The following ZNF496 variants were observed in gnomAD, a reference collection of about 807,000 sequenced individuals.
The protein encoded by ZNF496 is zinc finger protein 496, also known as NSD1 (nuclear receptor binding SET-domain containing 1)-interacting zinc finger protein 1.
In ZNF496, 11 loss-of-function variants were observed where a neutral mutation model predicts 58.9. The observed-to-expected ratio is 0.19, with a 90% CI of 0.12 to 0.31. ZNF496 has a LOEUF of 0.31. ZNF496 is among the 10% of genes least tolerant of loss of function. ZNF496 has a pLI of 1.00. For missense variants in ZNF496, 660 were observed against 783.0 expected (o/e 0.84, Z 1.88); for synonymous variants, 338 against 318.2 (o/e 1.06, Z -0.66).
chr1:247,302,524 T>C (rs1465248559), intron 9 of ZNF496, among the ~76,000 whole-genome samples: 3 of 152,220 alleles, frequency 2.0e-5, no homozygotes, highest in African/African-American at 7.2e-5. Context: ...GGTCACATTA[T>C]GTTGCCCAGG....
Position 247,301,212 on chromosome 1 carries a change from G to A in ZNF496, c.1071C>T (p.Leu357=). The A allele has an allele frequency of 1.9e-6, 3 of 1,557,628 alleles. No homozygotes were observed. The highest frequency in any genetic ancestry group is 1.2e-5 in the South Asian group (1 of 83,424). ...LDEEVTIEIV[L]SSSGDEDSQH... is the part of the protein sequence containing the mutation. ...GGGAGTCCTCGTCCCCAGAGCTGGA[G>A]AGAACGATCTCGATGGTCACTTCTT... is the stretch of plus-strand genomic sequence containing the variant. Residue 357 remains leucine (L), a synonymous_variant, in exon 10 of 10, where the codon CTC becomes CTT. Coordinates refer to ENST00000682384, the MANE Select transcript of ZNF496 (RefSeq NM_032752.3).
intron 6 of ZNF496, 69 bp downstream of exon 6, chr1:247,323,085 A>G: frequency 5.8e-6 from 8 of 1,368,304 alleles, no homozygotes; most frequent in Admixed American, 3.7e-5. Flanking sequence ...CTGGGGTCCT[A>G]AGAAAGCTGC....
chr1:247,313,194 C>T (rs1384156507), intron 6 of ZNF496: 1 of 152,242 alleles, frequency 6.6e-6, no homozygotes, highest in Non-Finnish European at 1.5e-5. Context: ...AGTGCCCCAC[C>T]TCTTAATGCC....
At chr1:247,325,813 T>A (rs540793025) in intron 5 of ZNF496, among the ~76,000 whole-genome samples, 1 of 152,120 alleles carries the variant, frequency 6.6e-6, no homozygotes, top group East Asian at 1.9e-4. Flanking sequence ...GTGTTTTAGT[T>A]CTGCTTCCTC....
At position 247,300,785 on chromosome 1, in the gene ZNF496, C is replaced by T. The variant is rs1361380147; in HGVS notation, c.1498G>A (p.Ala500Thr). The change falls in exon 10 of 10, where the codon GCG becomes ACG. Residue 500 changes from alanine (A) to threonine (T), a missense_variant. Transcript: ENST00000682384. This position sits in a 1 kb window ranked among gnomAD's most constrained non-coding sequence, Gnocchi z 5.7. ...CCCTTGTCCGCGTCCTCGGATGCCG[C>T]CTGCTCTCTCTTCTCCACCGGCTGG... ...RLQPVEKREQ[A>T]ASEDADKGPK... is the part of the protein sequence containing the mutation. 2 of 1,602,016 alleles carry T rather than the reference C, an allele frequency of 1.2e-6. No homozygotes were observed. The highest frequency in any genetic ancestry group is 4.5e-5 in the East Asian group (2 of 44,684).
In ZNF496 at chr1:247,301,115, G is replaced by A. The variant is rs373398908; in HGVS notation, c.1168C>T (p.Arg390Trp). ...TCGCCTCCGGCCTCGGTGCTGCTCC[G>A]GTGGGAGGCGGGGAGGCTGCGCTGC... ...EKQRSLPASH[R>W]SSTEAGGEVQ... Residue 390 changes from arginine to tryptophan, a missense_variant, in exon 10 of 10, where the codon CGG (arginine) becomes TGG (tryptophan). Arg to Trp is a moderately radical substitution (Grantham distance 101, BLOSUM62 -3). Transcript: ENST00000682384. 3.7e-6 allele frequency: 6 copies of A among 1,613,674 alleles called. No individual in the cohort carries two copies. The highest frequency in any genetic ancestry group is 2.7e-5 in the African/African-American group (2 of 74,928).
chr1:247,302,683 C>CT (rs2103015749), intron 9 of ZNF496, among the ~76,000 whole-genome samples: 1 of 152,188 alleles, frequency 6.6e-6, no homozygotes, highest in East Asian at 1.9e-4. Context: ...GGTTTTCGAG[C>CT]TGCAGGAACC....
At chr1:247,311,428 G>GACACAC (rs1282601628) in intron 6 of ZNF496, 70 of 38,298 alleles carry the variant, frequency 1.8e-3, no homozygotes, top group East Asian at 4.4e-3. Flanking sequence ...CACACACACA[G>GACACAC]AGACACACAC....
At chr1:247,302,474 T>G (rs3738446) in intron 9 of ZNF496, among the ~76,000 whole-genome samples, 13 of 150,682 alleles carry the variant, frequency 8.6e-5, no homozygotes, top group East Asian at 7.9e-4. Flanking sequence ...GAGATTGTGT[T>G]TGTGTGTGTG....
At chr1:247,313,187 G>A (rs906127337) in intron 6 of ZNF496, 2 of 152,240 alleles carry the variant, frequency 1.3e-5, no homozygotes, top group African/African-American at 4.8e-5. Context: ...TCTCCCCAGT[G>A]CCCCACCTCT....
chr1:247,309,912 C>A lies in ZNF496; in HGVS notation c.785-106G>T. The stretch of plus-strand genomic sequence containing the variant: ...GCGGAGGGATGCCCAGCGGGCATGG[C>A]ACCATCAGGGGCGAGAAGTGAAAAG... On this transcript the variant is annotated intron_variant, in intron 7 of 9. Transcript: ENST00000682384. The surrounding 1 kb of genome is among the most constrained non-coding windows in gnomAD (Gnocchi z 4.3). 1 of 1,414,818 alleles carries A rather than the reference C, an allele frequency of 7.1e-7. No homozygotes were observed. Among genetic ancestry groups the A allele is most frequent in the Non-Finnish European group, 9.6e-7 (1 of 1,042,458 alleles). 87.6% of individuals were successfully genotyped at this position (1,414,818 alleles called of 1,614,324 possible). A position where few individuals can be genotyped will look rare whatever the true frequency, so the allele number is the denominator to read the frequency against.
At position 247,299,265 on chromosome 1, in the gene ZNF496, A is replaced by C. The variant is rs1286101807; in HGVS notation, c.*1254T>G. ...GTGGGATGGGCTCTAATCCGATATGACTGGTGTCCTTAAACAAAGGGAGGT... is the reference window on the plus strand; with the variant it reads ...GTGGGATGGGCTCTAATCCGATATGCCTGGTGTCCTTAAACAAAGGGAGGT... On this transcript the variant is annotated 3_prime_UTR_variant, in exon 10 of 10. Transcript: ENST00000682384. 6.6e-6 allele frequency: 1 copy of C among 152,218 alleles called. No individual in the cohort carries two copies. Among genetic ancestry groups the C allele is most frequent in the Admixed American group, 6.5e-5 (1 of 15,274 alleles). The allele number at this position is 152,218 out of a possible 1,614,324, so 9.4% of individuals were successfully genotyped here.
intron 6 of ZNF496, among the ~76,000 whole-genome samples, chr1:247,318,785 G>A (rs983644448): frequency 5.3e-5 from 8 of 152,298 alleles, no homozygotes; most frequent in African/African-American, 1.7e-4. Context: ...TAAGAAGAAA[G>A]AAAACAGTAA....
chr1:247,323,474 G>C (rs1323322899), intron 5 of ZNF496, among the ~76,000 whole-genome samples: 1 of 152,168 alleles, frequency 6.6e-6, no homozygotes, highest in Admixed American at 6.6e-5. Flanking sequence ...AGATTGCTGC[G>C]ACTTTGTTTC....
At chr1:247,307,449 C>G in intron 9 of ZNF496, 4 of 985,378 alleles carry the variant, frequency 4.1e-6, no homozygotes, top group Non-Finnish European at 4.8e-6. Context: ...ATGCTATGGG[C>G]AGAAAGAAGC....
intron 6 of ZNF496, 118 bp downstream of exon 6, chr1:247,323,036 G>C: frequency 2.3e-6 from 2 of 856,584 alleles, no homozygotes; most frequent in South Asian, 3.3e-5. Flanking sequence ...GCTTTTCTGG[G>C]CTGGGACTGA....
At chr1:247,330,277 G>A (rs542636167) in intron 2 of ZNF496, among the ~76,000 whole-genome samples, 196 bp from the exon 3 acceptor site, 1 of 152,268 alleles carries the variant, frequency 6.6e-6, no homozygotes, top group South Asian at 2.1e-4. Context: ...AGTCTACCAG[G>A]GACAAATAAC....
At chr1:247,307,153 G>A (rs1659440695) in intron 9 of ZNF496, 1 of 985,454 alleles carries the variant, frequency 1.0e-6, no homozygotes, top group East Asian at 1.1e-4. Context: ...GGAGTGTCCT[G>A]CGTGGGCATG....
At chr1:247,306,443 T>G (rs1168993057) in intron 9 of ZNF496, among the ~76,000 whole-genome samples, 1 of 150,516 alleles carries the variant, frequency 6.6e-6, no homozygotes, top group Non-Finnish European at 1.5e-5. Context: ...GCGATCTGCC[T>G]GCCTCAGCCT....
Sources: gnomAD v4.1 joint callset for allele counts (sites outside exome capture counted in the v4.1 genomes callset) on GRCh38, gnomAD v4.1.1 for gene constraint, Gnocchi (gnomAD v3.1) non-coding constraint, MANE v1.5 for transcripts, NCBI Gene and HGNC (gene_info 2026-07-23, HGNC 2026-07-21) for gene names.